TENM2: variants seen among roughly 807,000 people sequenced by gnomAD.
The protein encoded by TENM2 is teneurin-2.
In TENM2, 52 loss-of-function variants were observed where a neutral mutation model predicts 245.2. That is an observed-to-expected ratio of 0.21 (90% CI 0.17 to 0.27). The LOEUF (loss-of-function observed/expected upper bound fraction) is 0.27, where lower values mean the gene tolerates loss of function less well. TENM2 is among the 10% of genes least tolerant of loss of function. TENM2 has a pLI of 1.00. For missense variants in TENM2, 3,046 were observed against 3,666.8 expected (o/e 0.83, Z 4.37); for synonymous variants, 1,363 against 1,438.9 (o/e 0.95, Z 1.19).
chr5:168,141,781 G>A (rs1165153633), intron 12 of TENM2, among the ~76,000 whole-genome samples: 1 of 152,128 alleles, frequency 6.6e-6, no homozygotes, highest in Non-Finnish European at 1.5e-5. Context: ...TTTCCACTTG[G>A]CTATGCAGAA....
At chr5:167,322,857 C>G (rs76623727) in intron 1 of TENM2, among the ~76,000 whole-genome samples, 2 of 152,216 alleles carry the variant, frequency 1.3e-5, no homozygotes, top group South Asian at 4.1e-4. Flanking sequence ...TTAATAGCTC[C>G]GATCACTTTG....
At chr5:167,972,974 G>A (rs185010366) in intron 4 of TENM2, among the ~76,000 whole-genome samples, 40 of 152,082 alleles carry the variant, frequency 2.6e-4, no homozygotes, top group Admixed American at 1.8e-3. Context: ...CATGGCCTAC[G>A]TGATTCAAAA....
chr5:167,699,049 A>G (rs1215327705), intron 2 of TENM2, among the ~76,000 whole-genome samples: 1 of 152,144 alleles, frequency 6.6e-6, no homozygotes, highest in African/African-American at 2.4e-5. Context: ...ACTGAGAATT[A>G]ATTCTACAGT....
chr5:167,712,663 A>G (rs2150488294), intron 2 of TENM2, among the ~76,000 whole-genome samples: 1 of 152,316 alleles, frequency 6.6e-6, no homozygotes, highest in Admixed American at 6.5e-5. Context: ...AAATATAAGC[A>G]TAGCTTCAGT....
chr5:167,934,133 C>T (rs1778508556), intron 3 of TENM2, among the ~76,000 whole-genome samples: 1 of 152,208 alleles, frequency 6.6e-6, no homozygotes, highest in Admixed American at 6.5e-5. Flanking sequence ...TCCCCCAGAA[C>T]ACATATTATC....
intron 5 of TENM2, among the ~76,000 whole-genome samples, chr5:168,042,695 A>G (rs1277571900): frequency 2.0e-5 from 3 of 152,144 alleles, no homozygotes; most frequent in Non-Finnish European, 4.4e-5. Context: ...AGCAACTTCA[A>G]TAAGAAAATA....
chr5:167,084,191 A>T, the TENM2 span, among the ~76,000 whole-genome samples: 4 of 151,022 alleles, frequency 2.6e-5, no homozygotes, highest in African/African-American at 9.7e-5. Flanking sequence ...CTGAACAGTG[A>T]TAAGATGAAT....
At chr5:167,685,316 TG>T (rs2150388594) in intron 2 of TENM2, among the ~76,000 whole-genome samples, 2 of 152,340 alleles carry the variant, frequency 1.3e-5, no homozygotes, top group South Asian at 4.1e-4. Flanking sequence ...AAATAAGCTC[TG>T]CCCTCCTGTT....
chr5:167,134,291 G>A, the TENM2 span, among the ~76,000 whole-genome samples: 8 of 152,240 alleles, frequency 5.3e-5, 1 homozygote, highest in South Asian at 4.1e-4. Flanking sequence ...ATTAGTAGCC[G>A]CATATTGGAC....
At chr5:167,555,445 C>T (rs1391968801) in intron 2 of TENM2, among the ~76,000 whole-genome samples, 2 of 124,994 alleles carry the variant, frequency 1.6e-5, no homozygotes, top group Admixed American at 2.3e-4. Context: ...GGATACCCTA[C>T]TGTCCGTTAA....
intron 5 of TENM2, among the ~76,000 whole-genome samples, chr5:168,036,681 A>ATATATATATATATATGTATGTG (rs1787714689): frequency 9.2e-6 from 1 of 108,534 alleles, no homozygotes; most frequent in African/African-American, 5.2e-5. Context: ...GTATGTGTAT[A>ATATATATATATATATGTATGTG]TATATATATA....
At chr5:167,707,108 C>T (rs1433451737) in intron 2 of TENM2, among the ~76,000 whole-genome samples, 1 of 149,964 alleles carries the variant, frequency 6.7e-6, no homozygotes, top group Non-Finnish European at 1.5e-5. Flanking sequence ...GCCATCCTAA[C>T]ACATGGTAGG....
intron 8 of TENM2, among the ~76,000 whole-genome samples, chr5:168,091,655 C>G (rs1350840617): frequency 6.6e-6 from 1 of 152,166 alleles, no homozygotes; most frequent in Non-Finnish European, 1.5e-5. Flanking sequence ...AATTGAGATT[C>G]AGAAAGCTGA....
At chr5:168,107,080 ATCT>A (rs1794303658) in intron 9 of TENM2, among the ~76,000 whole-genome samples, 2 of 151,616 alleles carry the variant, frequency 1.3e-5, no homozygotes. Flanking sequence ...AGAGAGAGAA[ATCT>A]TCTGACCTCA....
chr5:167,946,229 TC>T (rs1407592515), intron 3 of TENM2, among the ~76,000 whole-genome samples: 11 of 152,242 alleles, frequency 7.2e-5, no homozygotes, highest in African/African-American at 2.6e-4. Flanking sequence ...ATTCCTTCCA[TC>T]CCTGGGCTCT....
chr5:167,622,912 T>C (rs1418081049), intron 2 of TENM2, among the ~76,000 whole-genome samples: 1 of 152,148 alleles, frequency 6.6e-6, no homozygotes, highest in Non-Finnish European at 1.5e-5. Context: ...CTGCATTGTG[T>C]TATTATCAGT....
At chr5:167,302,531 AG>A (rs1207351092) in intron 1 of TENM2, among the ~76,000 whole-genome samples, 1 of 150,366 alleles carries the variant, frequency 6.7e-6, no homozygotes, top group Non-Finnish European at 1.5e-5. Context: ...CATGGAAATA[AG>A]GGATCAGGGT....
chr5:167,162,749 A>C, the TENM2 span, among the ~76,000 whole-genome samples: 5 of 152,286 alleles, frequency 3.3e-5, no homozygotes, highest in East Asian at 9.6e-4. Context: ...GAACCCTGAT[A>C]CTCATGACCA....
chr5:167,256,361 G>T, the TENM2 span, among the ~76,000 whole-genome samples: 1 of 152,032 alleles, frequency 6.6e-6, no homozygotes, highest in Non-Finnish European at 1.5e-5. Flanking sequence ...AAAATATATT[G>T]GTCAAACCAG....
Sources: allele counts gnomAD v4.1 joint callset (sites outside exome capture counted in the v4.1 genomes callset), GRCh38; gene constraint gnomAD v4.1.1; transcripts MANE v1.5; gene names NCBI Gene and HGNC (gene_info 2026-07-23, HGNC 2026-07-21).